The following BRD10 variants were observed in gnomAD, a reference collection of about 807,000 sequenced individuals.
BRD10 encodes bromodomain containing 10.
the BRD10 span, among the ~76,000 whole-genome samples, chr9:5,931,004 A>C: frequency 6.6e-6 from 1 of 152,216 alleles, no homozygotes; most frequent in Admixed American, 6.5e-5. Flanking sequence ...AGTGGAAGTA[A>C]ATCTTTCCTA....
At chr9:6,008,036 TCCCCCCCGGCGGCGGCGCGCGCACGGC>T in the BRD10 span, 2 of 1,137,270 alleles carry the variant, frequency 1.8e-6, no homozygotes, top group Admixed American at 4.8e-5. Context: ...TCCTCTCCCC[TCCCCCCCGGCGGCGGCGCGCGCACGGC>T]CCTCGCCGGC....
chr9:5,919,750 A>T, the BRD10 span: 1 of 1,613,582 alleles, frequency 6.2e-7, no homozygotes, highest in Non-Finnish European at 8.5e-7. Flanking sequence ...CAGACGCAGG[A>T]CTTCGACTGG....
chr9:5,940,031 G>C, the BRD10 span, among the ~76,000 whole-genome samples: 3 of 152,016 alleles, frequency 2.0e-5, no homozygotes, highest in African/African-American at 7.3e-5. Flanking sequence ...TACACCCTTT[G>C]GTTAGGTAAG....
the BRD10 span, among the ~76,000 whole-genome samples, chr9:5,960,842 G>A: frequency 6.6e-6 from 1 of 152,040 alleles, no homozygotes; most frequent in Non-Finnish European, 1.5e-5. Context: ...TAAATTAACT[G>A]CAAAATACAA....
chr9:5,940,127 T>C, the BRD10 span, among the ~76,000 whole-genome samples: 1 of 145,520 alleles, frequency 6.9e-6, no homozygotes, highest in Non-Finnish European at 1.5e-5. Flanking sequence ...AATTTCTTTC[T>C]TTTTAACATA....
At chr9:5,932,984 G>C in the BRD10 span, among the ~76,000 whole-genome samples, 1 of 152,114 alleles carries the variant, frequency 6.6e-6, no homozygotes, top group Admixed American at 6.5e-5. Context: ...AAGTTCTTCT[G>C]TCTTCAAACA....
At chr9:5,915,150 C>T in the BRD10 span, among the ~76,000 whole-genome samples, 1 of 151,618 alleles carries the variant, frequency 6.6e-6, no homozygotes, top group African/African-American at 2.4e-5. Flanking sequence ...AAAAGTTTTC[C>T]CTTAAAAAAT....
chr9:5,949,385 A>T, the BRD10 span, among the ~76,000 whole-genome samples: 10 of 152,198 alleles, frequency 6.6e-5, no homozygotes, highest in East Asian at 1.7e-3. Flanking sequence ...AACAACAACA[A>T]CAACAACAAC....
At chr9:5,908,949 T>G in the BRD10 span, 15 of 469,282 alleles carry the variant, frequency 3.2e-5, no homozygotes. Context: ...TGATACTATC[T>G]GTGCCAGAGG....
At chr9:5,923,111 A>C in the BRD10 span, 1 of 1,613,952 alleles carries the variant, frequency 6.2e-7, no homozygotes, top group Non-Finnish European at 8.5e-7. Context: ...TAGATTCTCA[A>C]CTGTTGTCTC....
chr9:5,926,699 T>C, the BRD10 span, among the ~76,000 whole-genome samples: 1 of 151,782 alleles, frequency 6.6e-6, no homozygotes, highest in East Asian at 1.9e-4. Flanking sequence ...ACCCGGCTAA[T>C]TTTTTGTGTT....
the BRD10 span, among the ~76,000 whole-genome samples, chr9:5,955,682 A>T: frequency 2.0e-5 from 3 of 148,962 alleles, no homozygotes; most frequent in Non-Finnish European, 4.4e-5. Context: ...TATTTTAATA[A>T]GTATTGACGG....
the BRD10 span, chr9:6,007,836 T>G: frequency 7.2e-7 from 1 of 1,393,698 alleles, no homozygotes; most frequent in Non-Finnish European, 9.2e-7. Flanking sequence ...CTCGAGGTGC[T>G]GGGGGACGCG....
At chr9:5,938,762 G>A in the BRD10 span, among the ~76,000 whole-genome samples, 5 of 152,174 alleles carry the variant, frequency 3.3e-5, no homozygotes, top group Admixed American at 2.6e-4. Context: ...CCACAGCTGA[G>A]ATAGTTTTCA....
chr9:5,970,923 A>G, the BRD10 span, among the ~76,000 whole-genome samples: 1 of 151,906 alleles, frequency 6.6e-6, no homozygotes, highest in East Asian at 1.9e-4. Context: ...ATGGTGGCAC[A>G]TGCCTATAAT....
the BRD10 span, among the ~76,000 whole-genome samples, chr9:5,926,582 A>C: frequency 6.6e-6 from 1 of 152,116 alleles, no homozygotes; most frequent in South Asian, 2.1e-4. Context: ...CCCAGGCCAG[A>C]GTGCAGTGGC....
the BRD10 span, among the ~76,000 whole-genome samples, chr9:5,925,861 A>G: frequency 6.6e-6 from 1 of 152,098 alleles, no homozygotes; most frequent in East Asian, 1.9e-4. Flanking sequence ...CTTATCCTCA[A>G]CTTTTACCCT....
the BRD10 span, among the ~76,000 whole-genome samples, chr9:5,930,589 A>G: frequency 3.2e-4 from 48 of 152,218 alleles, no homozygotes; most frequent in Admixed American, 2.1e-3. Flanking sequence ...ATGAGATTAT[A>G]TATGTGCATG....
At chr9:5,921,995 G>A in the BRD10 span, 2 of 1,613,852 alleles carry the variant, frequency 1.2e-6, no homozygotes, top group Non-Finnish European at 8.5e-7. Context: ...AGCTACAGGT[G>A]AAAAAGCAGA....
Sources: allele counts gnomAD v4.1 joint callset (sites outside exome capture counted in the v4.1 genomes callset), GRCh38; gene constraint gnomAD v4.1.1; transcripts MANE v1.5; gene names NCBI Gene and HGNC (gene_info 2026-07-23, HGNC 2026-07-21).